CADM1: variants seen among roughly 807,000 people sequenced by gnomAD.
The protein encoded by CADM1 is cell adhesion molecule 1, also known as TSLC-1.
In CADM1, 15 loss-of-function variants were observed where a neutral mutation model predicts 53.1. The ratio of observed to expected loss-of-function variants is 0.28; its 90% CI spans 0.19 to 0.44. The LOEUF is 0.44. Among genes scored for constraint, CADM1 ranks in the 20% least tolerant of loss-of-function variants. The pLI is 1.00. For synonymous variants in CADM1, 281 were observed against 243.0 expected (o/e 1.16, Z -1.45); for missense variants, 434 against 611.3 (o/e 0.71, Z 3.06).
intron 1 of CADM1, 107 bp downstream of exon 1, chr11:115,504,164 T>G: frequency 6.8e-7 from 1 of 1,475,440 alleles, no homozygotes; most frequent in Non-Finnish European, 9.2e-7. Context: ...GCTTCGGATG[T>G]AGGAAGTGGG....
In CADM1 at chr11:115,175,375, GAA is replaced by G. The variant is rs56789298; in HGVS notation, c.*1097_*1098del. The G allele has an allele frequency of 0.041, 35,072 of 862,364 alleles. 135 individuals are homozygous for G. Among genetic ancestry groups the G allele is most frequent in the Admixed American group, 0.087 (1,351 of 15,506 alleles). The allele number at this position is 862,364 out of a possible 1,614,324, so 53.4% of individuals were successfully genotyped here. Reference sequence around the variant, plus strand: ...ACTGCCTTCCTAACTAAGCACAAAGGAAAAAAAAAAAAAAATCAACTCTGTCC... The same window carrying G: ...ACTGCCTTCCTAACTAAGCACAAAGGAAAAAAAAAAAAATCAACTCTGTCC... On this transcript the variant is annotated 3_prime_UTR_variant, in exon 12 of 12. Transcript: ENST00000331581.
intron 1 of CADM1, among the ~76,000 whole-genome samples, chr11:115,445,302 T>A (rs1467052077): frequency 6.6e-6 from 1 of 152,098 alleles, no homozygotes; most frequent in African/African-American, 2.4e-5. Context: ...GACAGACCAC[T>A]ACTTCCCCAC....
chr11:115,282,318 T>C (rs193032162), intron 1 of CADM1, among the ~76,000 whole-genome samples: 3 of 152,324 alleles, frequency 2.0e-5, no homozygotes, highest in African/African-American at 7.2e-5. Flanking sequence ...CAAACCCAGC[T>C]GCATCTACCC....
chr11:115,415,882 T>C (rs111501772), intron 1 of CADM1, among the ~76,000 whole-genome samples: 1 of 135,120 alleles, frequency 7.4e-6, no homozygotes, highest in South Asian at 2.5e-4. Context: ...ATAATCAAAG[T>C]AGCCTTCCTG....
chr11:115,272,548 G>T (rs1010246851), intron 1 of CADM1, among the ~76,000 whole-genome samples: 1 of 152,022 alleles, frequency 6.6e-6, no homozygotes, highest in Non-Finnish European at 1.5e-5. Context: ...ATTCCATGAG[G>T]CTTAGATTTT....
chr11:115,468,455 T>G (rs1948941551), intron 1 of CADM1, among the ~76,000 whole-genome samples: 1 of 152,220 alleles, frequency 6.6e-6, no homozygotes, highest in Non-Finnish European at 1.5e-5. Flanking sequence ...ATAGGATATT[T>G]GTTAAAATCC....
chr11:115,418,446 C>CA (rs1947665284), intron 1 of CADM1, among the ~76,000 whole-genome samples: 1 of 151,962 alleles, frequency 6.6e-6, no homozygotes, highest in Admixed American at 6.6e-5. Context: ...TACAGGCTTC[C>CA]AAAAAAATTC....
chr11:115,386,218 T>C (rs928191977), intron 1 of CADM1, among the ~76,000 whole-genome samples: 3 of 152,228 alleles, frequency 2.0e-5, no homozygotes, highest in Non-Finnish European at 4.4e-5. Context: ...CATGAGACTA[T>C]TGCATGGGCA....
chr11:115,258,755 C>T lies in CADM1; in HGVS notation c.125-18335G>A, dbSNP rs543076087. Among the ~76,000 whole-genome samples, 10 of 152,316 alleles carry T rather than the reference C, an allele frequency of 6.6e-5. No individual in the cohort carries two copies. In the South Asian group the frequency reaches 1.0e-3, roughly 16 times the overall value. On this transcript the variant is annotated intron_variant, in intron 1 of 11. Coordinates refer to ENST00000331581, the MANE Select transcript of CADM1 (RefSeq NM_001301043.2). The stretch of plus-strand genomic sequence containing the variant: ...AATCTAAGGTTTCCTTTTCTCCCTC[C>T]GTCTCTCAAATCTAAGGAGATGTAG...
intron 1 of CADM1, among the ~76,000 whole-genome samples, chr11:115,286,513 T>C (rs1943733231): frequency 6.6e-6 from 1 of 152,156 alleles, no homozygotes; most frequent in African/African-American, 2.4e-5. Context: ...GACACAATAA[T>C]GAAACAAAAA....
intron 1 of CADM1, among the ~76,000 whole-genome samples, chr11:115,326,087 C>T (rs1944952088): frequency 6.6e-6 from 1 of 152,120 alleles, no homozygotes; most frequent in Non-Finnish European, 1.5e-5. Flanking sequence ...ACCTTCTGCA[C>T]ACAAAACTAC....
chr11:115,303,115 G>A (rs1366970908), intron 1 of CADM1, among the ~76,000 whole-genome samples: 1 of 152,056 alleles, frequency 6.6e-6, no homozygotes. Context: ...AGGTTCAGAT[G>A]GGTGTGGTAC....
At chr11:115,331,680 A>G (rs1237997549) in intron 1 of CADM1, among the ~76,000 whole-genome samples, 4 of 152,134 alleles carry the variant, frequency 2.6e-5, no homozygotes, top group Non-Finnish European at 5.9e-5. Flanking sequence ...AATAGAGTAA[A>G]TATGTGCAGA....
rs564393960 is a variant in CADM1 at position 115,451,850 on chromosome 11, C to T, written c.124+52421G>A. On this transcript the variant is annotated intron_variant, in intron 1 of 11. Transcript: ENST00000331581. ...ACACCGGTGGAATTAGGATTACACT[C>T]AGGAAACCATCAAAAGCCAGTCCCC... is the stretch of plus-strand genomic sequence containing the variant. Among the ~76,000 whole-genome samples, 20 of 151,966 alleles carry T rather than the reference C, an allele frequency of 1.3e-4. No individual in the cohort carries two copies. In the South Asian group the frequency reaches 3.9e-3, roughly 30 times the overall value.
At chr11:115,329,863 A>G (rs1945085959) in intron 1 of CADM1, among the ~76,000 whole-genome samples, 3 of 151,354 alleles carry the variant, frequency 2.0e-5, no homozygotes, top group South Asian at 4.2e-4. Flanking sequence ...GAGTTTGACC[A>G]TTCCATGGAC....
Position 115,229,143 on chromosome 11 carries a change from G to A in CADM1, c.691C>T (p.Leu231=). The change falls in exon 5 of 12, where the codon CTG becomes TTG. Residue 231 remains leucine (L), a synonymous_variant. Transcript: ENST00000331581. ...QVEHPAVTGN[L]QTQRYLEVQY... Reference sequence around the variant, plus strand: ...ACTTCTAGATACCGCTGGGTCTGCAGGTTTCCAGTGACCGCAGGGTGCTCC... The same window carrying A: ...ACTTCTAGATACCGCTGGGTCTGCAAGTTTCCAGTGACCGCAGGGTGCTCC... The A allele has an allele frequency of 6.2e-7, 1 of 1,614,082 alleles. No individual in the cohort carries two copies. The highest frequency in any genetic ancestry group is 8.5e-7 in the Non-Finnish European group (1 of 1,180,012).
chr11:115,400,659 GTGTATATATA>G (rs1259011623), intron 1 of CADM1, among the ~76,000 whole-genome samples: 32 of 38,670 alleles, frequency 8.3e-4, no homozygotes, highest in Middle Eastern at 0.015. Flanking sequence ...GTGTGTGTGT[GTGTATATATA>G]TATATATATA....
At chr11:115,315,975 G>T (rs1245312000) in intron 1 of CADM1, among the ~76,000 whole-genome samples, 1 of 152,070 alleles carries the variant, frequency 6.6e-6, no homozygotes, top group Non-Finnish European at 1.5e-5. Context: ...TCCCGGTGTT[G>T]GTTTAATATG....
chr11:115,239,808 G>T (rs956746764), intron 2 of CADM1, among the ~76,000 whole-genome samples: 1 of 150,220 alleles, frequency 6.7e-6, no homozygotes, highest in Non-Finnish European at 1.5e-5. Flanking sequence ...TTGCAATTTT[G>T]TTTTTTGTGA....
Sources: gnomAD v4.1 joint callset for allele counts (sites outside exome capture counted in the v4.1 genomes callset) on GRCh38, gnomAD v4.1.1 for gene constraint, MANE v1.5 for transcripts, NCBI Gene and HGNC (gene_info 2026-07-23, HGNC 2026-07-21) for gene names.